Variants in CAST observed in about 807,000 individuals in gnomAD.
CAST encodes the protein calpastatin, also known as MIR583 host.
In CAST, 76 loss-of-function variants were observed where a neutral mutation model predicts 119.6. The ratio of observed to expected loss-of-function variants is 0.64; its 90% CI spans 0.53 to 0.77. The LOEUF (loss-of-function observed/expected upper bound fraction) is 0.77, where lower values mean the gene tolerates loss of function less well. Among genes scored for constraint, CAST ranks in the 30% least tolerant of loss-of-function variants. CAST has a pLI of 0.00. For synonymous variants in CAST, 319 were observed against 331.6 expected (o/e 0.96, Z 0.41); for missense variants, 953 against 946.5 (o/e 1.01, Z -0.09).
At chr5:96,299,261 C>A in the CAST span, among the ~76,000 whole-genome samples, 1 of 17,300 alleles carries the variant, frequency 5.8e-5, no homozygotes, top group East Asian at 1.5e-3. Context: ...ACAACAACAA[C>A]AACAACAACA....
the CAST span, among the ~76,000 whole-genome samples, chr5:96,279,644 C>T: frequency 6.6e-6 from 1 of 152,194 alleles, no homozygotes; most frequent in Non-Finnish European, 1.5e-5. Flanking sequence ...TACAGTGTCA[C>T]TAGAGCACCA....
the CAST span, among the ~76,000 whole-genome samples, chr5:96,420,782 A>C: frequency 7.6e-6 from 1 of 132,250 alleles, no homozygotes; most frequent in Non-Finnish European, 1.6e-5. Context: ...GGAGAGAGAG[A>C]GAGAAAGAGA....
chr5:96,164,767 G>A, the CAST span, among the ~76,000 whole-genome samples: 3 of 152,204 alleles, frequency 2.0e-5, no homozygotes, highest in African/African-American at 7.2e-5. Context: ...GTTATGCCCT[G>A]GGTTGGCCAA....
chr5:95,975,469 T>C, the CAST span, among the ~76,000 whole-genome samples: 1 of 152,162 alleles, frequency 6.6e-6, no homozygotes, highest in African/African-American at 2.4e-5. Context: ...TCTCAAAAGG[T>C]TGCAAAATTC....
chr5:96,533,240 A>G (rs1024079540), intron 1 of CAST, among the ~76,000 whole-genome samples: 2 of 152,176 alleles, frequency 1.3e-5, no homozygotes, highest in Non-Finnish European at 2.9e-5. Context: ...CTAACATATA[A>G]ATTTTGTGCT....
the CAST span, among the ~76,000 whole-genome samples, chr5:96,095,812 A>G: frequency 6.6e-6 from 1 of 152,156 alleles, no homozygotes; most frequent in Non-Finnish European, 1.5e-5. Flanking sequence ...CAGAAAAGAC[A>G]TAACATTAAA....
At chr5:96,710,267 CAG>C (rs1250605867) in intron 3 of CAST, among the ~76,000 whole-genome samples, 2 of 152,118 alleles carry the variant, frequency 1.3e-5, no homozygotes, top group African/African-American at 4.8e-5. Flanking sequence ...TGTGAAGAGA[CAG>C]AGATTGTCAC....
At chr5:96,416,350 G>T in the CAST span, among the ~76,000 whole-genome samples, 1 of 152,172 alleles carries the variant, frequency 6.6e-6, no homozygotes. Context: ...TTCACTAAGG[G>T]TGTGACCTTG....
the CAST span, among the ~76,000 whole-genome samples, chr5:96,055,907 T>G: frequency 6.6e-6 from 1 of 152,098 alleles, no homozygotes; most frequent in Non-Finnish European, 1.5e-5. Context: ...ATCACACAAA[T>G]CATCTGACAC....
At chr5:96,639,644 C>T (rs377581153) in intron 1 of CAST, among the ~76,000 whole-genome samples, 10 of 152,120 alleles carry the variant, frequency 6.6e-5, no homozygotes, top group African/African-American at 2.2e-4. Flanking sequence ...CTCTCAAAGG[C>T]GAGGATGGGC....
the CAST span, among the ~76,000 whole-genome samples, chr5:96,301,942 G>T: frequency 3.3e-5 from 5 of 152,298 alleles, no homozygotes; most frequent in Middle Eastern, 3.4e-3. Context: ...CTCCAGTGGG[G>T]ACTCTATGTG....
the CAST span, among the ~76,000 whole-genome samples, chr5:96,187,326 T>G: frequency 6.6e-6 from 1 of 152,154 alleles, no homozygotes; most frequent in Non-Finnish European, 1.5e-5. Flanking sequence ...TTGAAGGGTT[T>G]TTCATGTCTC....
At chr5:96,068,593 A>ATGTGTGTGTG in the CAST span, among the ~76,000 whole-genome samples, 11 of 142,182 alleles carry the variant, frequency 7.7e-5, no homozygotes, top group South Asian at 4.6e-4. Flanking sequence ...CAATAGGATT[A>ATGTGTGTGTG]TGTGTGTGTG....
chr5:95,996,911 T>C, the CAST span, among the ~76,000 whole-genome samples: 2 of 152,130 alleles, frequency 1.3e-5, no homozygotes, highest in Admixed American at 6.6e-5. Flanking sequence ...ATCCAGTGCC[T>C]GGCACATGGT....
chr5:96,734,391 A>T (rs1761216307), intron 9 of CAST, among the ~76,000 whole-genome samples: 1 of 152,174 alleles, frequency 6.6e-6, no homozygotes, highest in African/African-American at 2.4e-5. Context: ...GATGGGATAG[A>T]GATAGGAAGG....
chr5:96,194,673 A>G, the CAST span, among the ~76,000 whole-genome samples: 1 of 152,266 alleles, frequency 6.6e-6, no homozygotes, highest in African/African-American at 2.4e-5. Flanking sequence ...GGACTGGAGC[A>G]GGACATGATA....
chr5:96,710,321 T>C (rs2150354588), intron 3 of CAST, among the ~76,000 whole-genome samples: 1 of 152,200 alleles, frequency 6.6e-6, no homozygotes, highest in South Asian at 2.1e-4. Context: ...CGGTAGAAAA[T>C]GGTGGTCCTT....
the CAST span, among the ~76,000 whole-genome samples, chr5:95,963,725 CTTTTT>C: frequency 2.0e-4 from 26 of 129,970 alleles, no homozygotes; most frequent in Non-Finnish European, 3.1e-4. Context: ...TTCTCTCTCT[CTTTTT>C]TTTTTTTTTT....
At chr5:96,115,991 G>C in the CAST span, among the ~76,000 whole-genome samples, 1 of 150,978 alleles carries the variant, frequency 6.6e-6, no homozygotes, top group South Asian at 2.1e-4. Context: ...GAAGTATACA[G>C]TTTAATGAAT....
Sources: allele counts gnomAD v4.1 joint callset (sites outside exome capture counted in the v4.1 genomes callset), GRCh38; gene constraint gnomAD v4.1.1; transcripts MANE v1.5; gene names NCBI Gene and HGNC (gene_info 2026-07-23, HGNC 2026-07-21).